DPYSL2: variants seen among roughly 807,000 people sequenced by gnomAD.
The protein encoded by DPYSL2 is dihydropyrimidinase like 2.
DPYSL2 carries 13 observed loss-of-function variants against 69.9 expected under a neutral mutation model. That is an observed-to-expected ratio of 0.19 (90% CI 0.12 to 0.30). The LOEUF (loss-of-function observed/expected upper bound fraction) is 0.30. DPYSL2 is among the 10% of genes least tolerant of loss of function. The probability of loss-of-function intolerance (pLI) is 1.00; values close to 1 mark genes in which losing one functional copy is unlikely to be tolerated. For synonymous variants in DPYSL2, 326 were observed against 359.1 expected (o/e 0.91, Z 1.04); for missense variants, 587 against 918.9 (o/e 0.64, Z 4.67).
rs1801520286 is a variant in DPYSL2, at chr8:26,582,897, A to G, written c.443+840A>G. Among the ~76,000 whole-genome samples, 1 of 152,218 alleles carries G rather than the reference A, an allele frequency of 6.6e-6. No homozygotes were observed. ...TGCCTGGGAGCTCACACCCAGATTT[A>G]TGAACCTAAAATAGATTTTAACATT... is the stretch of plus-strand genomic sequence containing the variant. On this transcript the variant is annotated intron_variant, in intron 2 of 13. Coordinates refer to ENST00000521913, the MANE Select transcript of DPYSL2 (RefSeq NM_001197293.3). This position sits in a 1 kb window ranked among gnomAD's most constrained non-coding sequence, Gnocchi z 4.1.
At chr8:26,529,998 G>A (rs1800477987) in intron 1 of DPYSL2, among the ~76,000 whole-genome samples, 1 of 150,536 alleles carries the variant, frequency 6.6e-6, no homozygotes, top group Non-Finnish European at 1.5e-5. Flanking sequence ...TGTAATCCCA[G>A]CTTCATGGAA....
intron 1 of DPYSL2, among the ~76,000 whole-genome samples, chr8:26,520,839 C>A (rs1281922959): frequency 2.6e-5 from 4 of 152,070 alleles, no homozygotes; most frequent in African/African-American, 7.2e-5. Context: ...GGTGAGGACC[C>A]ACCTTATGGT....
At chr8:26,596,532 C>T (rs17055491) in intron 3 of DPYSL2, among the ~76,000 whole-genome samples, 2,058 of 152,316 alleles carry the variant, frequency 0.014, 25 homozygotes, top group Middle Eastern at 0.068. Context: ...TTGTGTGATT[C>T]TGTCCTTTTC....
rs1320055941 is a variant in DPYSL2 at position 26,580,240 on chromosome 8, T to A, written c.355-1729T>A. 6.6e-6 allele frequency among the ~76,000 whole-genome samples: 1 copy of A among 152,078 alleles called. No individual in the cohort carries two copies. The highest frequency in any genetic ancestry group is 1.5e-5 in the Non-Finnish European group (1 of 68,022). On this transcript the variant is annotated intron_variant, in intron 1 of 13. Coordinates refer to ENST00000521913, the MANE Select transcript of DPYSL2 (RefSeq NM_001197293.3). The surrounding 1 kb of genome is among the most constrained non-coding windows in gnomAD (Gnocchi z 4.1). ...TATTTATTCCATGGAAGCTTAGAGA[T>A]CTGGGAGAGAAGTGGAGGTCATTGT...
chr8:26,632,568 G>C (rs574898958), intron 7 of DPYSL2, among the ~76,000 whole-genome samples: 1 of 152,202 alleles, frequency 6.6e-6, no homozygotes, highest in Non-Finnish European at 1.5e-5. Context: ...GATAGGCGTA[G>C]TGGCTTGTAC....
intron 1 of DPYSL2, among the ~76,000 whole-genome samples, chr8:26,570,505 G>T (rs1413419110): frequency 6.6e-6 from 1 of 152,098 alleles, no homozygotes; most frequent in African/African-American, 2.4e-5. Context: ...CTGGGAGGCT[G>T]AGGTGGGCAG....
chr8:26,609,677 G>C lies in DPYSL2; in HGVS notation c.629-14466G>C, dbSNP rs953763484. 6.6e-6 allele frequency among the ~76,000 whole-genome samples: 1 copy of C among 152,190 alleles called. No individual in the cohort carries two copies. The highest frequency in any genetic ancestry group is 6.5e-5 in the Admixed American group (1 of 15,280). On this transcript the variant is annotated intron_variant, in intron 3 of 13. Transcript: ENST00000521913. The surrounding 1 kb of genome is among the most constrained non-coding windows in gnomAD (Gnocchi z 6.5). ...GGCTGGACGCTGCCGGCTGCCACCC[G>C]TCGCTGAGCTGGAGCTCCCCAGAGT... is the stretch of plus-strand genomic sequence containing the variant.
intron 1 of DPYSL2, among the ~76,000 whole-genome samples, chr8:26,573,559 C>T (rs1273438761): frequency 2.0e-5 from 3 of 151,610 alleles, no homozygotes; most frequent in East Asian, 3.9e-4. Flanking sequence ...GTCCCAGCTA[C>T]TCAGAGGCTG....
In DPYSL2 at chr8:26,516,392, G is replaced by A. The variant is rs1368082780; in HGVS notation, c.354+1713G>A. On this transcript the variant is annotated intron_variant, in intron 1 of 13. Coordinates refer to ENST00000521913, the MANE Select transcript of DPYSL2 (RefSeq NM_001197293.3). This position sits in a 1 kb window ranked among gnomAD's most constrained non-coding sequence, Gnocchi z 4.8. ...TTGAGTGAGTAGCCTCATGCATGGC[G>A]AGTTGTGCTGGTGATTGTGATGTCC... Among the ~76,000 whole-genome samples the A allele has an allele frequency of 6.6e-6, 1 of 152,174 alleles. No homozygotes were observed. The highest frequency in any genetic ancestry group is 1.5e-5 in the Non-Finnish European group (1 of 68,042).
rs1164139601 is a variant in DPYSL2 at position 26,621,158 on chromosome 8, A to C, written c.629-2985A>C. Among the ~76,000 whole-genome samples the C allele has an allele frequency of 2.6e-5, 4 of 152,252 alleles. No homozygotes were observed. The highest frequency in any genetic ancestry group is 5.9e-5 in the Non-Finnish European group (4 of 68,048). On this transcript the variant is annotated intron_variant, in intron 3 of 13. Coordinates refer to ENST00000521913, the MANE Select transcript of DPYSL2 (RefSeq NM_001197293.3). This position sits in a 1 kb window ranked among gnomAD's most constrained non-coding sequence, Gnocchi z 4.9. ...AGTGGACTATAGATAAAGAAATAGA[A>C]TAAGGTATAATATATAGAAAAAAGG...
Position 26,516,805 on chromosome 8 carries a change from T to C in DPYSL2, c.354+2126T>C, listed in dbSNP as rs1166560329. ...TAATCTTGCCTTATCATATAAGGCC[T>C]ACTCAATGAGATTTTGTCATTCACG... On this transcript the variant is annotated intron_variant, in intron 1 of 13. Coordinates refer to ENST00000521913, the MANE Select transcript of DPYSL2 (RefSeq NM_001197293.3). This position sits in a 1 kb window ranked among gnomAD's most constrained non-coding sequence, Gnocchi z 4.8. Among the ~76,000 whole-genome samples the C allele has an allele frequency of 2.0e-5, 3 of 152,206 alleles. No individual in the cohort carries two copies. Among genetic ancestry groups the C allele is most frequent in the Non-Finnish European group, 4.4e-5 (3 of 68,042 alleles).
rs1801597127 is a variant in DPYSL2 at position 26,586,151 on chromosome 8, A to G, written c.628+2168A>G. Among the ~76,000 whole-genome samples the G allele has an allele frequency of 2.6e-5, 4 of 152,154 alleles. No individual in the cohort carries two copies. Among genetic ancestry groups the G allele is most frequent in the African/African-American group, 2.4e-5 (1 of 41,438 alleles). ...CTCGAGTGAATGGTCAGTGTCATCT[A>G]TCATTGGAGAGGGAAATGCCCCCAG... On this transcript the variant is annotated intron_variant, in intron 3 of 13. Coordinates refer to ENST00000521913, the MANE Select transcript of DPYSL2 (RefSeq NM_001197293.3). The surrounding 1 kb of genome is among the most constrained non-coding windows in gnomAD (Gnocchi z 4.7).
rs975839695 is a variant in DPYSL2 at position 26,514,667 on chromosome 8, C to T, written c.342C>T (p.Asn114=). ...CCTCGGGCAAAGAAGCCCTGCAGAACATCAACGACCAGGTCGGTGTGGGGG... is the reference window on the plus strand; with the variant it reads ...CCTCGGGCAAAGAAGCCCTGCAGAATATCAACGACCAGGTCGGTGTGGGGG... ...RRASGKEALQ[N]INDQSDRLLI... Residue 114 remains asparagine, a synonymous_variant, in exon 1 of 14, where the codon AAC becomes AAT. Transcript: ENST00000521913. This position sits in a 1 kb window ranked among gnomAD's most constrained non-coding sequence, Gnocchi z 8.4. The T allele has an allele frequency of 1.3e-4, 175 of 1,390,480 alleles. No homozygotes were observed. Among genetic ancestry groups the T allele is most frequent in the Non-Finnish European group, 1.5e-4 (163 of 1,070,948 alleles). 86.1% of individuals were successfully genotyped at this position (1,390,480 alleles called of 1,614,324 possible).
intron 3 of DPYSL2, among the ~76,000 whole-genome samples, chr8:26,612,910 C>G (rs1456169169): frequency 1.3e-5 from 2 of 152,238 alleles, no homozygotes; most frequent in Non-Finnish European, 2.9e-5. Context: ...CCTCCAGGCT[C>G]TGCATCTGTG....
chr8:26,514,167 C>G lies in DPYSL2; in HGVS notation c.-159C>G. On this transcript the variant is annotated 5_prime_UTR_variant, in exon 1 of 14. Coordinates refer to ENST00000521913, the MANE Select transcript of DPYSL2 (RefSeq NM_001197293.3). This position sits in a 1 kb window ranked among gnomAD's most constrained non-coding sequence, Gnocchi z 8.4. ...AGGGGGAGGGACCGGGAGGGTGGGT[C>G]GCCGGCTCGCCAGCCCTCCTTCCTT... The G allele has an allele frequency of 1.9e-6, 1 of 535,124 alleles. No individual in the cohort carries two copies. 33.1% of individuals were successfully genotyped at this position (535,124 alleles called of 1,614,324 possible).
In DPYSL2 at chr8:26,656,895, G is replaced by C. The variant is rs561395060; in HGVS notation, c.*1189G>C. On this transcript the variant is annotated 3_prime_UTR_variant, in exon 14 of 14. Transcript: ENST00000521913. ...TGCAGTGCTCTCTGGCTAAAGTCACGGTCAAACCTAAACACCGAGCCTCAT... is the reference window on the plus strand; with the variant it reads ...TGCAGTGCTCTCTGGCTAAAGTCACCGTCAAACCTAAACACCGAGCCTCAT... 161 of 152,524 alleles carry C rather than the reference G, an allele frequency of 1.1e-3. No homozygotes were observed. Among genetic ancestry groups the C allele is most frequent in the African/African-American group, 3.8e-3 (159 of 41,540 alleles). The allele number at this position is 152,524 out of a possible 1,614,324, so 9.4% of individuals were successfully genotyped here.
chr8:26,638,569 T>G (rs1802968651), intron 8 of DPYSL2, among the ~76,000 whole-genome samples: 1 of 152,184 alleles, frequency 6.6e-6, no homozygotes, highest in African/African-American at 2.4e-5. Context: ...GACACGCTGC[T>G]TCCATCAGCC....
At chr8:26,629,623 G>A (rs1220649036) in intron 7 of DPYSL2, among the ~76,000 whole-genome samples, 1 of 152,258 alleles carries the variant, frequency 6.6e-6, no homozygotes, top group Non-Finnish European at 1.5e-5. Context: ...GCAAGCCCCT[G>A]TGTCAGCTGA....
intron 2 of DPYSL2, 91 bp from the exon 3 acceptor site, chr8:26,583,708 G>A (rs1331564643): frequency 1.2e-5 from 15 of 1,207,196 alleles, no homozygotes; most frequent in East Asian, 2.4e-5. Context: ...ACAGAGCGGA[G>A]GATAGTTTAT....
Sources: gnomAD v4.1 joint callset for allele counts (sites outside exome capture counted in the v4.1 genomes callset) on GRCh38, gnomAD v4.1.1 for gene constraint, Gnocchi (gnomAD v3.1) non-coding constraint, MANE v1.5 for transcripts, NCBI Gene and HGNC (gene_info 2026-07-23, HGNC 2026-07-21) for gene names.